WDR7: variants seen among roughly 807,000 people sequenced by gnomAD.
The protein encoded by WDR7 is WD repeat-containing protein 7.
A neutral mutation model predicts 169.4 loss-of-function variants in WDR7; 46 were observed. That is an observed-to-expected ratio of 0.27 (90% CI 0.21 to 0.35). The LOEUF is 0.35. WDR7 is among the 10% of genes least tolerant of loss of function. The pLI is 1.00. For missense variants in WDR7, 1,534 were observed against 1,859.3 expected, an observed-to-expected ratio of 0.83 and a Z score of 3.22; for synonymous variants, 612 against 666.8, an observed-to-expected ratio of 0.92 and a Z score of 1.27.
chr18:57,020,949 C>T (rs2048281181), intron 27 of WDR7, 100 bp downstream of exon 27: 2 of 947,142 alleles, frequency 2.1e-6, no homozygotes, highest in Admixed American at 2.0e-5. Flanking sequence ...TCCTTCCTGT[C>T]CTCCCTCCCT....
In WDR7 at chr18:56,825,693, A is replaced by G. The variant is rs550574069; in HGVS notation, c.3304+9549A>G. On this transcript the variant is annotated intron_variant, in intron 20 of 27. Coordinates refer to ENST00000254442, the MANE Select transcript of WDR7 (RefSeq NM_015285.3). The stretch of plus-strand genomic sequence containing the variant: ...AGAAACACATATATTATGACTTGTC[A>G]TTTTCTTTTTGTGATATATAGAAAT... 7.4e-4 allele frequency among the ~76,000 whole-genome samples: 113 copies of G among 152,268 alleles called. 1 individual carries two copies. Among genetic ancestry groups the G allele is most frequent in the Non-Finnish European group, 3.7e-4 (25 of 68,004 alleles).
intron 13 of WDR7, among the ~76,000 whole-genome samples, chr18:56,725,148 T>C (rs78644562): frequency 6.6e-6 from 1 of 150,816 alleles, no homozygotes; most frequent in Non-Finnish European, 1.5e-5. Flanking sequence ...GCATGATTTA[T>C]AATCCTTTGG....
At chr18:56,868,081 C>A (rs189621760) in intron 20 of WDR7, among the ~76,000 whole-genome samples, 1 of 152,180 alleles carries the variant, frequency 6.6e-6, no homozygotes, top group East Asian at 1.9e-4. Flanking sequence ...TACTATGTTG[C>A]CCCTAACTAT....
In WDR7 at chr18:57,028,860, G is replaced by A. The variant is rs939535238; in HGVS notation, c.*1653G>A. On this transcript the variant is annotated 3_prime_UTR_variant, in exon 28 of 28. Coordinates refer to ENST00000254442, the MANE Select transcript of WDR7 (RefSeq NM_015285.3). ...CTTTCAAAAGTGAATTTAGGCACAT[G>A]CATGTACATTGTATTTATAAAGATT... 6.6e-6 allele frequency: 1 copy of A among 152,634 alleles called. No homozygotes were observed. Among genetic ancestry groups the A allele is most frequent in the East Asian group, 1.9e-4 (1 of 5,200 alleles). The allele number at this position is 152,634 out of a possible 1,614,324, so 9.5% of individuals were successfully genotyped here.
intron 20 of WDR7, among the ~76,000 whole-genome samples, chr18:56,822,472 A>T (rs2045115862): frequency 1.3e-5 from 2 of 152,228 alleles, no homozygotes; most frequent in Non-Finnish European, 2.9e-5. Flanking sequence ...TGAATGAAAG[A>T]TAGGAAATTT....
intron 20 of WDR7, among the ~76,000 whole-genome samples, chr18:56,868,849 T>C (rs776781778): frequency 6.6e-6 from 1 of 152,148 alleles, no homozygotes; most frequent in Non-Finnish European, 1.5e-5. Context: ...TTAGACGTTT[T>C]TGGAGATAGT....
intron 26 of WDR7, among the ~76,000 whole-genome samples, chr18:56,996,962 A>G (rs559952319): frequency 9.8e-5 from 15 of 152,358 alleles, no homozygotes; most frequent in African/African-American, 3.4e-4. Context: ...AGAAGAAAAA[A>G]AAACTGGATC....
intron 1 of WDR7, among the ~76,000 whole-genome samples, chr18:56,668,084 C>G (rs1417169638): frequency 1.3e-5 from 2 of 152,170 alleles, no homozygotes; most frequent in Non-Finnish European, 2.9e-5. Context: ...TTTTATCCCT[C>G]TCTGTTATAT....
At chr18:56,933,385 A>G (rs2046917182) in intron 22 of WDR7, among the ~76,000 whole-genome samples, 1 of 152,078 alleles carries the variant, frequency 6.6e-6, no homozygotes. Context: ...CACACATAAG[A>G]CTTCTTATTT....
chr18:56,662,591 T>C (rs1274058415), intron 1 of WDR7, among the ~76,000 whole-genome samples: 4 of 152,218 alleles, frequency 2.6e-5, no homozygotes, highest in Non-Finnish European at 2.9e-5. Flanking sequence ...GTGTGAAGTG[T>C]ACATCAACAT....
chr18:56,704,612 A>C (rs1266468827), intron 12 of WDR7, among the ~76,000 whole-genome samples: 1 of 152,212 alleles, frequency 6.6e-6, no homozygotes, highest in Non-Finnish European at 1.5e-5. Flanking sequence ...GCAAAACTGC[A>C]ATTTAATGTC....
chr18:57,027,219 G>C lies in WDR7; in HGVS notation c.*12G>C. 6.2e-7 allele frequency: 1 copy of C among 1,605,726 alleles called. No individual in the cohort carries two copies. The highest frequency in any genetic ancestry group is 8.5e-7 in the Non-Finnish European group (1 of 1,176,528). The stretch of plus-strand genomic sequence containing the variant: ...GCTTCATGGTCTAATGCTGCTGCCT[G>C]CCGCCGTGACTGCGTTTTAGTTCTC... On this transcript the variant is annotated 3_prime_UTR_variant, in exon 28 of 28. Coordinates refer to ENST00000254442, the MANE Select transcript of WDR7 (RefSeq NM_015285.3).
chr18:56,943,203 C>T (rs2047056588), intron 25 of WDR7, among the ~76,000 whole-genome samples: 1 of 152,200 alleles, frequency 6.6e-6, no homozygotes. Flanking sequence ...TTGGATTCTA[C>T]TAGGTGCCTT....
intron 14 of WDR7, among the ~76,000 whole-genome samples, chr18:56,755,497 T>A (rs1477549574): frequency 6.6e-6 from 1 of 152,190 alleles, no homozygotes; most frequent in Non-Finnish European, 1.5e-5. Flanking sequence ...TCTGAATTTC[T>A]GTCGTGACAG....
intron 20 of WDR7, among the ~76,000 whole-genome samples, chr18:56,855,373 G>A (rs2045704136): frequency 6.6e-6 from 1 of 152,020 alleles, no homozygotes; most frequent in African/African-American, 2.4e-5. Flanking sequence ...TCTTTAAGAT[G>A]CCTTTGATAA....
At chr18:56,757,381 T>A (rs1400815546) in intron 15 of WDR7, 29 bp downstream of exon 15, 1 of 1,508,528 alleles carries the variant, frequency 6.6e-7, no homozygotes, top group Non-Finnish European at 8.9e-7. Flanking sequence ...GATTTTATTC[T>A]TAAGTTTCAA....
At chr18:56,873,207 C>T (rs1019232490) in intron 20 of WDR7, among the ~76,000 whole-genome samples, 7 of 152,152 alleles carry the variant, frequency 4.6e-5, no homozygotes, top group Non-Finnish European at 1.0e-4. Flanking sequence ...AGAATTTCAG[C>T]ATCAGTAGTG....
chr18:56,860,538 A>G (rs1406345531), intron 20 of WDR7, among the ~76,000 whole-genome samples: 1 of 152,174 alleles, frequency 6.6e-6, no homozygotes, highest in East Asian at 1.9e-4. Flanking sequence ...ACCCTATAAT[A>G]ATAAACCAGA....
At chr18:57,005,823 A>G (rs2048049271) in intron 26 of WDR7, among the ~76,000 whole-genome samples, 1 of 152,226 alleles carries the variant, frequency 6.6e-6, no homozygotes, top group African/African-American at 2.4e-5. Context: ...GCTAAAAACA[A>G]AAAATCTCAT....
Sources: allele counts gnomAD v4.1 joint callset (sites outside exome capture counted in the v4.1 genomes callset), GRCh38; gene constraint gnomAD v4.1.1; transcripts MANE v1.5; gene names NCBI Gene and HGNC (gene_info 2026-07-23, HGNC 2026-07-21).